Variants in TEKT5 observed in about 807,000 individuals in gnomAD.
The protein encoded by TEKT5 is tektin-5.
In TEKT5, 52 loss-of-function variants were observed where a neutral mutation model predicts 48.7. That is an observed-to-expected ratio of 1.07 (90% confidence interval 0.86 to 1.35). TEKT5 has a LOEUF of 1.35. TEKT5 is among the 40% of genes most tolerant of loss of function. The pLI is 0.00. For missense variants in TEKT5, 831 were observed against 641.6 expected, an observed-to-expected ratio of 1.30 and a Z score of -3.19; for synonymous variants, 318 against 267.6, an observed-to-expected ratio of 1.19 and a Z score of -1.84.
At position 10,627,771 on chromosome 16, in the gene TEKT5, C is replaced by T. The variant is rs774419031; in HGVS notation, c.1270G>A (p.Asp424Asn). The change falls in exon 7 of 7, where the codon GAC becomes AAC. Residue 424 changes from aspartate (D) to asparagine (N), a missense_variant. By Grantham distance (23) the Asp-to-Asn change is conservative. Transcript: ENST00000283025. ...KLVNEVFTID[D>N]TLQTLKLRLR... ...CGCAGCTTGAGGGTCTGCAGGGTGT[C>T]GTCGATGGTGAACACCTCGTTCACC... The T allele has an allele frequency of 6.2e-6, 10 of 1,614,020 alleles. No individual in the cohort carries two copies. The highest frequency in any genetic ancestry group is 4.4e-5 in the South Asian group (4 of 91,064).
intron 2 of TEKT5, among the ~76,000 whole-genome samples, 183 bp downstream of exon 2, chr16:10,689,759 A>G (rs1410847803): frequency 2.6e-5 from 4 of 152,104 alleles, no homozygotes; most frequent in African/African-American, 9.7e-5. Context: ...TGAGGGTCAA[A>G]TAACTCCATT....
intron 6 of TEKT5, among the ~76,000 whole-genome samples, chr16:10,632,913 C>CAT (rs1897859156): frequency 6.6e-6 from 1 of 150,724 alleles, no homozygotes; most frequent in Non-Finnish European, 1.5e-5. Flanking sequence ...CACACACACA[C>CAT]GGCCCGGCTC....
chr16:10,663,585 CGGAGGGACCCGGTCA>C (rs982790144), intron 5 of TEKT5, among the ~76,000 whole-genome samples: 4 of 152,098 alleles, frequency 2.6e-5, no homozygotes, highest in African/African-American at 7.2e-5. Flanking sequence ...AGGAGCGCTC[CGGAGGGACCCGGTCA>C]GGGATTCAGA....
Position 10,694,789 on chromosome 16 carries a change from C to T in TEKT5, c.85G>A (p.Ala29Thr). 2 of 1,613,508 alleles carry T rather than the reference C, an allele frequency of 1.2e-6. No individual in the cohort carries two copies. Among genetic ancestry groups the T allele is most frequent in the South Asian group, 1.1e-5 (1 of 91,022 alleles). The change falls in exon 1 of 7, where the codon GCG becomes ACG. Residue 29 changes from alanine to threonine, a missense_variant. Physicochemically the swap from Ala to Thr is moderately conservative, Grantham distance 58 (BLOSUM62 0). Coordinates refer to ENST00000283025, the MANE Select transcript of TEKT5 (RefSeq NM_144674.2). ...TGATAGCATTCCTGGATCACTGGCGCCTGTACAGCTGGCAGTGAGGTCAAG... is the reference window on the plus strand; with the variant it reads ...TGATAGCATTCCTGGATCACTGGCGTCTGTACAGCTGGCAGTGAGGTCAAG... Reference protein sequence around the residue: ...CGLTSLPAVQAPVIQECYQPY... With the variant: ...CGLTSLPAVQTPVIQECYQPY...
At chr16:10,653,135 C>T (rs1211288243) in intron 5 of TEKT5, among the ~76,000 whole-genome samples, 1 of 152,218 alleles carries the variant, frequency 6.6e-6, no homozygotes, top group Non-Finnish European at 1.5e-5. Context: ...GGGGCACAGC[C>T]TGGCATATCC....
At chr16:10,643,315 G>C (rs528059644) in intron 5 of TEKT5, among the ~76,000 whole-genome samples, 2 of 152,044 alleles carry the variant, frequency 1.3e-5, no homozygotes, top group Non-Finnish European at 1.5e-5. Context: ...TGAGTTTGAG[G>C]CTCTAGTGAG....
chr16:10,649,840 C>T (rs370458748), intron 5 of TEKT5, among the ~76,000 whole-genome samples: 1 of 152,252 alleles, frequency 6.6e-6, no homozygotes, highest in South Asian at 2.1e-4. Context: ...GGCATTCCTG[C>T]GCTTGGTACG....
At chr16:10,673,440 C>T (rs1176271197) in intron 5 of TEKT5, among the ~76,000 whole-genome samples, 1 of 152,052 alleles carries the variant, frequency 6.6e-6, no homozygotes, top group Non-Finnish European at 1.5e-5. Flanking sequence ...GAAAAGTTTG[C>T]CAACCCTGTC....
intron 6 of TEKT5, among the ~76,000 whole-genome samples, chr16:10,632,373 C>T (rs956379525): frequency 6.6e-6 from 1 of 152,098 alleles, no homozygotes; most frequent in African/African-American, 2.4e-5. Context: ...TTATAGCTCA[C>T]TGCAGCCTCC....
intron 5 of TEKT5, among the ~76,000 whole-genome samples, chr16:10,644,780 T>G (rs151022147): frequency 1.8e-4 from 28 of 152,304 alleles, no homozygotes; most frequent in African/African-American, 6.5e-4. Flanking sequence ...CCAGTTAAAT[T>G]TGAATTTCAT....
chr16:10,666,990 T>TC (rs1304329492), intron 5 of TEKT5, among the ~76,000 whole-genome samples: 1 of 149,062 alleles, frequency 6.7e-6, no homozygotes, highest in Non-Finnish European at 1.5e-5. Context: ...TTTTTTTTTT[T>TC]TTTTTTTTTT....
At chr16:10,655,322 A>T (rs1449016308) in intron 5 of TEKT5, among the ~76,000 whole-genome samples, 1 of 152,168 alleles carries the variant, frequency 6.6e-6, no homozygotes, top group Non-Finnish European at 1.5e-5. Flanking sequence ...AGGACTTCAG[A>T]ACCCACCGGA....
chr16:10,684,915 G>A (rs904525289), intron 3 of TEKT5, among the ~76,000 whole-genome samples: 1 of 152,236 alleles, frequency 6.6e-6, no homozygotes, highest in South Asian at 2.1e-4. Context: ...AGGCTTCGCA[G>A]AAAACCATGA....
At chr16:10,688,545 G>T (rs1010727216) in intron 3 of TEKT5, among the ~76,000 whole-genome samples, 1 of 152,194 alleles carries the variant, frequency 6.6e-6, no homozygotes, top group Non-Finnish European at 1.5e-5. Flanking sequence ...TGTCAAGAGG[G>T]AATGAAGTGG....
At chr16:10,650,124 T>G (rs1446408530) in intron 5 of TEKT5, among the ~76,000 whole-genome samples, 1 of 152,008 alleles carries the variant, frequency 6.6e-6, no homozygotes, top group East Asian at 1.9e-4. Context: ...CACGCTGGAG[T>G]GCAGTGGCGC....
chr16:10,642,368 A>G (rs894833782), intron 5 of TEKT5, among the ~76,000 whole-genome samples: 3 of 152,144 alleles, frequency 2.0e-5, no homozygotes, highest in African/African-American at 7.2e-5. Flanking sequence ...CAGGCCAGGT[A>G]CTATTCAACT....
intron 4 of TEKT5, among the ~76,000 whole-genome samples, chr16:10,681,648 C>T (rs577333370): frequency 2.6e-5 from 4 of 151,208 alleles, no homozygotes; most frequent in Non-Finnish European, 5.9e-5. Flanking sequence ...GTGCGACCCT[C>T]ACTAAGCCAA....
chr16:10,677,638 T>G (rs1297455868), intron 4 of TEKT5, among the ~76,000 whole-genome samples: 1 of 147,398 alleles, frequency 6.8e-6, no homozygotes, highest in Non-Finnish European at 1.5e-5. Context: ...AGAAAATGCA[T>G]GAAGCTGTCA....
intron 5 of TEKT5, among the ~76,000 whole-genome samples, chr16:10,661,425 A>G (rs1352075613): frequency 1.3e-5 from 2 of 152,196 alleles, no homozygotes; most frequent in Non-Finnish European, 2.9e-5. Flanking sequence ...TCAGCACAGA[A>G]TCTACATTTT....
Sources: gnomAD v4.1 joint callset for allele counts (sites outside exome capture counted in the v4.1 genomes callset) on GRCh38, gnomAD v4.1.1 for gene constraint, MANE v1.5 for transcripts, NCBI Gene and HGNC (gene_info 2026-07-23, HGNC 2026-07-21) for gene names.